PLA2G4A: variants seen among roughly 807,000 people sequenced by gnomAD.
The protein encoded by PLA2G4A is cytosolic phospholipase A2.
In PLA2G4A, 40 loss-of-function variants were observed where a neutral mutation model predicts 81.9. The ratio of observed to expected loss-of-function variants is 0.49; its 90% CI spans 0.38 to 0.64. PLA2G4A has a LOEUF of 0.64. Ranked by LOEUF, PLA2G4A falls within the 30% of genes least tolerant of loss-of-function variation. PLA2G4A has a pLI of 0.00. For synonymous variants in PLA2G4A, 302 were observed against 296.9 expected (o/e 1.02, Z -0.18); for missense variants, 715 against 905.1 (o/e 0.79, Z 2.69).
intron 1 of PLA2G4A, among the ~76,000 whole-genome samples, chr1:186,842,291 CT>C (rs764946109): frequency 1.9e-4 from 29 of 152,100 alleles, no homozygotes; most frequent in Admixed American, 3.3e-4. Context: ...AATTCACCTG[CT>C]TTGGCCTCCC....
chr1:186,834,559 C>T (rs1040020960), intron 1 of PLA2G4A, among the ~76,000 whole-genome samples: 1 of 151,950 alleles, frequency 6.6e-6, no homozygotes, highest in Non-Finnish European at 1.5e-5. Flanking sequence ...TCTCCTGGTG[C>T]GTGTTTCCAT....
At chr1:186,979,493 T>G in intron 17 of PLA2G4A, 21 bp downstream of exon 17, 1 of 1,481,370 alleles carries the variant, frequency 6.8e-7, no homozygotes, top group Non-Finnish European at 9.4e-7. Flanking sequence ...CCTATGGCCA[T>G]TGACTATGTC....
chr1:186,932,482 G>A (rs1467036951), intron 7 of PLA2G4A, among the ~76,000 whole-genome samples: 2 of 151,750 alleles, frequency 1.3e-5, no homozygotes, highest in Admixed American at 1.3e-4. Flanking sequence ...TGTGTTTTTT[G>A]TAGAGATGGG....
chr1:186,926,920 T>C (rs986217037), intron 7 of PLA2G4A, among the ~76,000 whole-genome samples: 6 of 152,220 alleles, frequency 3.9e-5, no homozygotes, highest in African/African-American at 1.4e-4. Context: ...TGGTCAATAA[T>C]TGTTAAATTT....
At chr1:186,925,277 G>A (rs1655508601) in intron 7 of PLA2G4A, among the ~76,000 whole-genome samples, 1 of 152,242 alleles carries the variant, frequency 6.6e-6, no homozygotes, top group Admixed American at 6.5e-5. Flanking sequence ...CTTGTATAGA[G>A]AGGACTTACA....
chr1:186,900,791 T>G (rs1412594730), intron 5 of PLA2G4A, among the ~76,000 whole-genome samples: 1 of 152,230 alleles, frequency 6.6e-6, no homozygotes, highest in African/African-American at 2.4e-5. Context: ...GCCAATACTT[T>G]GAGGAAAGTT....
intron 3 of PLA2G4A, among the ~76,000 whole-genome samples, chr1:186,877,705 C>CA (rs58954006): frequency 5.8e-5 from 5 of 86,922 alleles, no homozygotes; most frequent in Non-Finnish European, 1.0e-4. Flanking sequence ...GGCTTACTCA[C>CA]AAAAAAAAAA....
At chr1:186,964,935 T>G (rs1657081491) in intron 14 of PLA2G4A, among the ~76,000 whole-genome samples, 1 of 152,240 alleles carries the variant, frequency 6.6e-6, no homozygotes. Flanking sequence ...ATACAGAGTC[T>G]GCCACCTCCC....
chr1:186,925,437 AGC>A (rs1461343210), intron 7 of PLA2G4A, among the ~76,000 whole-genome samples: 1 of 152,160 alleles, frequency 6.6e-6, no homozygotes, highest in Admixed American at 6.5e-5. Flanking sequence ...TCTTCTCCAC[AGC>A]TTCTTTCTAG....
chr1:186,926,492 T>A (rs1219133533), intron 7 of PLA2G4A, among the ~76,000 whole-genome samples: 1 of 152,244 alleles, frequency 6.6e-6, no homozygotes, highest in Admixed American at 6.5e-5. Flanking sequence ...CATTTTTCTA[T>A]TTTTATGTTA....
At chr1:186,905,593 T>C (rs1654705428) in intron 5 of PLA2G4A, among the ~76,000 whole-genome samples, 1 of 152,176 alleles carries the variant, frequency 6.6e-6, no homozygotes. Flanking sequence ...CATAGAATTC[T>C]ATATATAGGA....
intron 7 of PLA2G4A, among the ~76,000 whole-genome samples, chr1:186,912,690 C>T (rs1158274688): frequency 1.8e-5 from 2 of 114,244 alleles, no homozygotes; most frequent in Middle Eastern, 4.8e-3. Context: ...GGATGTACCA[C>T]ATTTTATTTA....
intron 3 of PLA2G4A, among the ~76,000 whole-genome samples, chr1:186,891,650 G>C (rs563369785): frequency 6.6e-6 from 1 of 152,178 alleles, no homozygotes; most frequent in African/African-American, 2.4e-5. Flanking sequence ...TTATGGCTGA[G>C]TAACACTCCA....
chr1:186,850,571 G>A (rs975192403), intron 1 of PLA2G4A, among the ~76,000 whole-genome samples: 6 of 152,124 alleles, frequency 3.9e-5, no homozygotes, highest in Non-Finnish European at 7.4e-5. Context: ...TAGGTAGATA[G>A]TAAAGATGTA....
chr1:186,880,527 T>C (rs1187594379), intron 3 of PLA2G4A, among the ~76,000 whole-genome samples: 1 of 151,948 alleles, frequency 6.6e-6, no homozygotes, highest in Non-Finnish European at 1.5e-5. Context: ...GGTATTTCTA[T>C]TGGCATCTAG....
intron 1 of PLA2G4A, among the ~76,000 whole-genome samples, 160 bp from the exon 2 acceptor site, chr1:186,854,126 T>G (rs544228516): frequency 1.3e-5 from 2 of 152,056 alleles, no homozygotes; most frequent in East Asian, 3.9e-4. Flanking sequence ...TTACCTTTTC[T>G]CTAAGTGATG....
At chr1:186,941,872 G>A (rs887532146) in intron 10 of PLA2G4A, among the ~76,000 whole-genome samples, 1 of 152,088 alleles carries the variant, frequency 6.6e-6, no homozygotes, top group Non-Finnish European at 1.5e-5. Flanking sequence ...TATAATCTAC[G>A]TTAGACCCAG....
At chr1:186,854,917 T>C (rs1652497388) in intron 2 of PLA2G4A, among the ~76,000 whole-genome samples, 1 of 151,966 alleles carries the variant, frequency 6.6e-6, no homozygotes, top group Non-Finnish European at 1.5e-5. Flanking sequence ...ACATGCTCTC[T>C]TCTGGTCAAT....
chr1:186,856,221 A>G (rs1214308610), intron 2 of PLA2G4A, among the ~76,000 whole-genome samples: 1 of 151,904 alleles, frequency 6.6e-6, no homozygotes, highest in Non-Finnish European at 1.5e-5. Flanking sequence ...CTCATCCACA[A>G]CTAAACGTTA....
Sources: allele counts gnomAD v4.1 joint callset (sites outside exome capture counted in the v4.1 genomes callset), GRCh38; gene constraint gnomAD v4.1.1; transcripts MANE v1.5; gene names NCBI Gene and HGNC (gene_info 2026-07-23, HGNC 2026-07-21).